Variants in HACE1 observed in about 807,000 individuals in gnomAD.
HACE1 encodes HECT domain and ankyrin repeat containing E3 ubiquitin protein ligase 1, also known as E3 ubiquitin-protein ligase HACE1.
In HACE1, 73 loss-of-function variants were observed where a neutral mutation model predicts 118.4. The ratio of observed to expected loss-of-function variants is 0.62; its 90% CI spans 0.51 to 0.75. The LOEUF (loss-of-function observed/expected upper bound fraction) is 0.75, where lower values mean the gene tolerates loss of function less well. Ranked by LOEUF, HACE1 falls within the 30% of genes least tolerant of loss-of-function variation. HACE1 has a pLI of 0.00. For missense variants in HACE1, 749 were observed against 1,102.2 expected, an observed-to-expected ratio of 0.68 and a Z score of 4.54; for synonymous variants, 368 against 374.8, an observed-to-expected ratio of 0.98 and a Z score of 0.21.
chr6:104,741,223 G>A (rs1283667678), intron 22 of HACE1, among the ~76,000 whole-genome samples: 4 of 111,998 alleles, frequency 3.6e-5, no homozygotes, highest in African/African-American at 1.9e-4. Context: ...GGCAAAAACT[G>A]GAAGCATTCC....
intron 10 of HACE1, among the ~76,000 whole-genome samples, chr6:104,793,688 T>C (rs1041109995): frequency 2.6e-5 from 4 of 152,142 alleles, no homozygotes; most frequent in African/African-American, 7.2e-5. Context: ...TTAAGAAACA[T>C]AAAATGATTC....
At chr6:104,852,843 T>C (rs1356346112) in intron 1 of HACE1, among the ~76,000 whole-genome samples, 1 of 152,206 alleles carries the variant, frequency 6.6e-6, no homozygotes, top group Non-Finnish European at 1.5e-5. Context: ...ATATATATGC[T>C]AAAATAATTT....
In HACE1 at chr6:104,729,345, G is replaced by A. The variant is rs1774961836; in HGVS notation, c.*317C>T. The A allele has an allele frequency of 3.1e-6, 1 of 319,854 alleles. No homozygotes were observed. The allele number at this position is 319,854 out of a possible 1,614,324, so 19.8% of individuals were successfully genotyped here. ...TTAACAAGACAGTTACATAGCAGAG[G>A]TGGAATGTAGAATCAGATTTTGCCT... On this transcript the variant is annotated 3_prime_UTR_variant, in exon 24 of 24. Coordinates refer to ENST00000262903, the MANE Select transcript of HACE1 (RefSeq NM_020771.4).
chr6:104,738,553 G>T, intron 22 of HACE1, among the ~76,000 whole-genome samples: 1 of 149,494 alleles, frequency 6.7e-6, no homozygotes, highest in South Asian at 2.1e-4. Flanking sequence ...TGATCAACAG[G>T]AAGAAAGGGT....
chr6:104,821,887 T>A (rs963120978), intron 6 of HACE1, among the ~76,000 whole-genome samples: 2 of 151,750 alleles, frequency 1.3e-5, no homozygotes, highest in African/African-American at 4.8e-5. Flanking sequence ...TATTACAGAG[T>A]CAAGCTTAAG....
intron 1 of HACE1, 136 bp from the exon 2 acceptor site, chr6:104,852,507 A>C: frequency 3.2e-6 from 2 of 634,348 alleles, no homozygotes; most frequent in Admixed American, 2.5e-5. Context: ...ATAATGCAGA[A>C]TACCAGAGGT....
At chr6:104,826,705 C>G (rs1385742180) in intron 6 of HACE1, among the ~76,000 whole-genome samples, 1 of 152,150 alleles carries the variant, frequency 6.6e-6, no homozygotes, top group East Asian at 1.9e-4. Flanking sequence ...ATGTATTTTT[C>G]AAGTTAATAT....
At chr6:104,840,757 A>C (rs1238764640) in intron 5 of HACE1, among the ~76,000 whole-genome samples, 2 of 152,202 alleles carry the variant, frequency 1.3e-5, no homozygotes, top group Non-Finnish European at 2.9e-5. Flanking sequence ...TGAGGTCAGG[A>C]GTTCAAGACC....
intron 6 of HACE1, among the ~76,000 whole-genome samples, chr6:104,832,381 TTTGTTGTTGTTGTTG>T (rs3035082): frequency 6.6e-6 from 1 of 150,846 alleles, no homozygotes; most frequent in African/African-American, 2.4e-5. Context: ...TTTCCTGTTT[TTTGTTGTTGTTGTTG>T]TTGTTGTTGT....
intron 19 of HACE1, among the ~76,000 whole-genome samples, chr6:104,768,756 T>C (rs1582375938): frequency 6.6e-6 from 1 of 152,086 alleles, no homozygotes; most frequent in Non-Finnish European, 1.5e-5. Context: ...AATGTAAATA[T>C]ATATAGTATT....
intron 19 of HACE1, among the ~76,000 whole-genome samples, chr6:104,756,997 C>T (rs984719614): frequency 3.9e-5 from 6 of 152,162 alleles, no homozygotes; most frequent in South Asian, 2.1e-4. Context: ...GGGAGAGGGG[C>T]GTCCACCATT....
In HACE1 at chr6:104,774,341, C is replaced by T. The variant is rs1216835294; in HGVS notation, c.1865-2267G>A. ...TCCTGACCTCGTGATCCGCCCGCCTCGGCCTCCCAAAGTGCTGGGATTACA... is the reference window on the plus strand; with the variant it reads ...TCCTGACCTCGTGATCCGCCCGCCTTGGCCTCCCAAAGTGCTGGGATTACA... On this transcript the variant is annotated intron_variant, in intron 17 of 23. Transcript: ENST00000262903. 1.9e-4 allele frequency among the ~76,000 whole-genome samples: 20 copies of T among 107,856 alleles called. 5 individuals are homozygous for T. The highest frequency in any genetic ancestry group is 8.6e-4 in the African/African-American group (20 of 23,316). 70.8% of individuals were successfully genotyped at this position (107,856 alleles called of 152,430 possible). A position where few individuals can be genotyped will look rare whatever the true frequency, so the allele number is the denominator to read the frequency against.
chr6:104,816,615 T>C (rs774101301), intron 6 of HACE1, among the ~76,000 whole-genome samples: 27 of 152,148 alleles, frequency 1.8e-4, no homozygotes, highest in Non-Finnish European at 3.2e-4. Flanking sequence ...ATGGAGAACC[T>C]CTACTAGGGC....
intron 5 of HACE1, among the ~76,000 whole-genome samples, chr6:104,837,885 A>G (rs993077147): frequency 2.6e-5 from 4 of 152,212 alleles, no homozygotes; most frequent in Admixed American, 2.0e-4. Flanking sequence ...TGAAATCAAC[A>G]TGCAAAAATC....
chr6:104,820,110 G>A (rs901527030), intron 6 of HACE1, among the ~76,000 whole-genome samples: 17 of 150,594 alleles, frequency 1.1e-4, no homozygotes, highest in East Asian at 3.9e-4. Flanking sequence ...CAGAAAAATC[G>A]CTTGAACCCG....
intron 1 of HACE1, chr6:104,858,310 G>A (rs1218517543): frequency 5.0e-6 from 1 of 199,008 alleles, no homozygotes; most frequent in Admixed American, 6.2e-5. Flanking sequence ...TGGATTCAAA[G>A]GTGGAAGTTG....
chr6:104,764,877 C>T (rs1779800553), intron 19 of HACE1, among the ~76,000 whole-genome samples: 1 of 152,190 alleles, frequency 6.6e-6, no homozygotes, highest in African/African-American at 2.4e-5. Context: ...CATCACTGAA[C>T]ATAGTTGCAG....
intron 22 of HACE1, chr6:104,731,036 G>A (rs1346857212): frequency 6.4e-6 from 1 of 156,738 alleles, no homozygotes; most frequent in Non-Finnish European, 1.4e-5. Context: ...GAGGCCACAG[G>A]AAGGCTAACA....
intron 11 of HACE1, chr6:104,786,558 C>T (rs958747051): frequency 7.9e-5 from 11 of 139,192 alleles, no homozygotes; most frequent in African/African-American, 2.7e-4. Context: ...GAGCTGTGAT[C>T]ATGTCACTAT....
Sources: allele counts gnomAD v4.1 joint callset (sites outside exome capture counted in the v4.1 genomes callset), GRCh38; gene constraint gnomAD v4.1.1; transcripts MANE v1.5; gene names NCBI Gene and HGNC (gene_info 2026-07-23, HGNC 2026-07-21).